Variants in COG5 observed in about 807,000 individuals in gnomAD.
COG5 encodes conserved oligomeric Golgi complex subunit 5.
In COG5, 86 loss-of-function variants were observed where a neutral mutation model predicts 110.4. The observed-to-expected ratio is 0.78, with a 90% CI of 0.65 to 0.93. The LOEUF is 0.93. Among genes scored for constraint, COG5 ranks in the 40% least tolerant of loss-of-function variants. COG5 has a pLI of 0.00. For missense variants in COG5, 1,077 were observed against 987.0 expected (o/e 1.09, Z -1.22); for synonymous variants, 360 against 334.6 (o/e 1.08, Z -0.83).
At chr7:107,514,974 A>G (rs1799813688) in intron 6 of COG5, among the ~76,000 whole-genome samples, 1 of 152,160 alleles carries the variant, frequency 6.6e-6, no homozygotes, top group South Asian at 2.1e-4. Context: ...GAGTTTATAG[A>G]TAAGGACAGA....
intron 7 of COG5, among the ~76,000 whole-genome samples, chr7:107,392,595 G>A (rs1324550734): frequency 6.7e-6 from 1 of 149,928 alleles, no homozygotes; most frequent in Non-Finnish European, 1.5e-5. Flanking sequence ...TGACCAATGA[G>A]TTTTCTGTTT....
At chr7:107,452,791 A>C (rs1265650907) in intron 6 of COG5, among the ~76,000 whole-genome samples, 2 of 151,998 alleles carry the variant, frequency 1.3e-5, no homozygotes, top group African/African-American at 4.8e-5. Flanking sequence ...TGTATTCCCC[A>C]TCTTTAATTT....
intron 8 of COG5, among the ~76,000 whole-genome samples, chr7:107,367,434 A>C (rs1813723877): frequency 6.6e-6 from 1 of 152,006 alleles, no homozygotes; most frequent in Non-Finnish European, 1.5e-5. Flanking sequence ...CTGGGTATCT[A>C]CCCAGTAGTC....
At chr7:107,495,993 G>T (rs1300991987) in intron 6 of COG5, among the ~76,000 whole-genome samples, 2 of 150,928 alleles carry the variant, frequency 1.3e-5, no homozygotes, top group Admixed American at 1.3e-4. Flanking sequence ...TTCTGCTCAG[G>T]CTGGTCTTGA....
chr7:107,351,823 G>A (rs1489822803), intron 10 of COG5, among the ~76,000 whole-genome samples: 13 of 149,964 alleles, frequency 8.7e-5, no homozygotes, highest in African/African-American at 3.2e-4. Context: ...AGGTGCTGGA[G>A]AGGATGTGGA....
chr7:107,209,412 G>A (rs1337835070), intron 21 of COG5: 1 of 206,826 alleles, frequency 4.8e-6, no homozygotes, highest in Non-Finnish European at 8.5e-6. Flanking sequence ...CTGGGGTTGA[G>A]ATTTCTGTGG....
At chr7:107,337,675 T>G (rs1810822194) in intron 10 of COG5, among the ~76,000 whole-genome samples, 1 of 151,428 alleles carries the variant, frequency 6.6e-6, no homozygotes, top group African/African-American at 2.4e-5. Context: ...GGGGAGAAAG[T>G]GGGGGTTGGT....
At chr7:107,455,755 T>G (rs74761755) in intron 6 of COG5, among the ~76,000 whole-genome samples, 1 of 152,128 alleles carries the variant, frequency 6.6e-6, no homozygotes, top group Non-Finnish European at 1.5e-5. Flanking sequence ...AAAAAAATTA[T>G]GGAAGCATTT....
chr7:107,374,540 A>C (rs1303667195), intron 7 of COG5, among the ~76,000 whole-genome samples: 1 of 151,994 alleles, frequency 6.6e-6, no homozygotes, highest in Non-Finnish European at 1.5e-5. Flanking sequence ...AAAACACTTA[A>C]ATTTTTCACT....
chr7:107,301,322 C>T lies in COG5; in HGVS notation c.1109-2976G>A, dbSNP rs568035816. On this transcript the variant is annotated intron_variant, in intron 11 of 21. Transcript: ENST00000297135. ...ATACGGCTAAGAAAATGAAAATACA[C>T]GCCCCAGAAAGGGAAAATCAATTTC... Among the ~76,000 whole-genome samples, 224 of 152,142 alleles carry T rather than the reference C, an allele frequency of 1.5e-3. 1 individual carries two copies. The highest frequency in any genetic ancestry group is 4.6e-3 in the African/African-American group (189 of 41,526).
chr7:107,344,606 C>T (rs907984306), intron 10 of COG5, among the ~76,000 whole-genome samples: 1 of 152,196 alleles, frequency 6.6e-6, no homozygotes, highest in Non-Finnish European at 1.5e-5. Context: ...CTCACCACAA[C>T]CTCCACCTCC....
intron 10 of COG5, among the ~76,000 whole-genome samples, chr7:107,358,417 C>T (rs1812815439): frequency 6.6e-6 from 1 of 152,158 alleles, no homozygotes; most frequent in African/African-American, 2.4e-5. Flanking sequence ...AGTGACTATA[C>T]ACCTTGACAA....
chr7:107,293,087 AG>A (rs1467480314), intron 12 of COG5, among the ~76,000 whole-genome samples: 1 of 152,148 alleles, frequency 6.6e-6, no homozygotes, highest in Admixed American at 6.6e-5. Context: ...ACCTCATTCT[AG>A]GAAGTGAGCA....
At chr7:107,376,058 G>C (rs1233566615) in intron 7 of COG5, among the ~76,000 whole-genome samples, 2 of 151,932 alleles carry the variant, frequency 1.3e-5, no homozygotes, top group Non-Finnish European at 2.9e-5. Flanking sequence ...ATCAAAAAAA[G>C]AGCAAATAAA....
chr7:107,201,505 A>G lies in COG5; in HGVS notation c.*2011T>C, dbSNP rs1289998120. On this transcript the variant is annotated 3_prime_UTR_variant, in exon 22 of 22. Coordinates refer to ENST00000297135, the MANE Select transcript of COG5 (RefSeq NM_006348.5). Reference sequence around the variant, plus strand: ...TTGATGGAAAGACTTAAGAAGATCAAGGTCTCACCATTTGTCCTCAATTCG... The same window carrying G: ...TTGATGGAAAGACTTAAGAAGATCAGGGTCTCACCATTTGTCCTCAATTCG... The G allele has an allele frequency of 2.2e-6, 2 of 897,904 alleles. No homozygotes were observed. Among genetic ancestry groups the G allele is most frequent in the East Asian group, 5.0e-5 (2 of 40,124 alleles). The allele number at this position is 897,904 out of a possible 1,614,324, so 55.6% of individuals were successfully genotyped here. A position where few individuals can be genotyped will look rare whatever the true frequency, so the allele number is the denominator to read the frequency against.
intron 14 of COG5, among the ~76,000 whole-genome samples, chr7:107,264,077 G>C (rs1803593379): frequency 6.6e-6 from 1 of 152,028 alleles, no homozygotes; most frequent in Non-Finnish European, 1.5e-5. Context: ...AATTACAAAA[G>C]GGTAAGTAAG....
chr7:107,534,247 A>T (rs1801417273), intron 5 of COG5, among the ~76,000 whole-genome samples: 1 of 151,680 alleles, frequency 6.6e-6, no homozygotes, highest in Non-Finnish European at 1.5e-5. Context: ...ACTATGAAGA[A>T]TCTGCATCAA....
chr7:107,313,094 T>C (rs905174009), intron 11 of COG5, among the ~76,000 whole-genome samples: 3 of 152,194 alleles, frequency 2.0e-5, no homozygotes, highest in African/African-American at 7.2e-5. Flanking sequence ...CAAGGTCTTA[T>C]CCTGAAGACA....
At chr7:107,443,631 TA>T (rs1212907311) in intron 6 of COG5, among the ~76,000 whole-genome samples, 3 of 152,188 alleles carry the variant, frequency 2.0e-5, no homozygotes, top group Non-Finnish European at 2.9e-5. Flanking sequence ...TAATAAAAAC[TA>T]AAAATGTAAA....
Sources: allele counts gnomAD v4.1 joint callset (sites outside exome capture counted in the v4.1 genomes callset), GRCh38; gene constraint gnomAD v4.1.1; transcripts MANE v1.5; gene names NCBI Gene and HGNC (gene_info 2026-07-23, HGNC 2026-07-21).